DOCK9: variants seen among roughly 807,000 people sequenced by gnomAD.
DOCK9 encodes dedicator of cytokinesis 9, also known as dedicator of cytokinesis protein 9.
Under a neutral mutation model 263.3 loss-of-function variants are expected in DOCK9, and 89 were observed. That is an observed-to-expected ratio of 0.34 (90% CI 0.28 to 0.40). DOCK9 has a LOEUF of 0.40. Ranked by LOEUF, DOCK9 falls within the 10% of genes least tolerant of loss-of-function variation. The pLI, the probability that DOCK9 is intolerant of heterozygous loss-of-function variation, is 1.00. For missense variants in DOCK9, 2,140 were observed against 2,603.4 expected, an observed-to-expected ratio of 0.82 and a Z score of 3.87; for synonymous variants, 976 against 973.1, an observed-to-expected ratio of 1.00 and a Z score of -0.06.
At chr13:99,057,686 T>A (rs2040988909) in intron 1 of DOCK9, among the ~76,000 whole-genome samples, 1 of 152,194 alleles carries the variant, frequency 6.6e-6, no homozygotes, top group Non-Finnish European at 1.5e-5. Flanking sequence ...TGGAACAGCT[T>A]CAAAGCTGTT....
chr13:99,078,343 T>C (rs1333295226), intron 1 of DOCK9, among the ~76,000 whole-genome samples: 1 of 152,148 alleles, frequency 6.6e-6, no homozygotes, highest in African/African-American at 2.4e-5. Context: ...GAATGCCCCT[T>C]TGTGGTGACT....
chr13:99,000,985 AAG>A (rs1882181361), intron 1 of DOCK9, among the ~76,000 whole-genome samples: 1 of 152,182 alleles, frequency 6.6e-6, no homozygotes, highest in African/African-American at 2.4e-5. Context: ...GCAACAGCAG[AAG>A]AGAGGACAAA....
chr13:98,913,309 T>C (rs905576292), intron 9 of DOCK9, among the ~76,000 whole-genome samples: 1 of 151,992 alleles, frequency 6.6e-6, no homozygotes, highest in African/African-American at 2.4e-5. Context: ...AGTAACAGAG[T>C]AAGAGTGCAA....
At chr13:99,004,529 T>C (rs531382521) in intron 1 of DOCK9, among the ~76,000 whole-genome samples, 13 of 152,342 alleles carry the variant, frequency 8.5e-5, no homozygotes, top group African/African-American at 2.9e-4. Context: ...CCACAGACTC[T>C]GCAAAGGCAG....
intron 15 of DOCK9, among the ~76,000 whole-genome samples, chr13:98,894,294 G>A (rs1436375630): frequency 6.6e-6 from 1 of 152,106 alleles, no homozygotes; most frequent in East Asian, 1.9e-4. Context: ...TTTTTTAAAA[G>A]TTCATATAAA....
At chr13:98,818,853 G>GCA (rs1299033907) in intron 45 of DOCK9, among the ~76,000 whole-genome samples, 42 of 152,146 alleles carry the variant, frequency 2.8e-4, no homozygotes, top group Admixed American at 2.4e-3. Context: ...GTGTGTGTGC[G>GCA]CACACATGTG....
intron 1 of DOCK9, among the ~76,000 whole-genome samples, chr13:99,076,054 T>C (rs2041898157): frequency 6.6e-6 from 1 of 152,078 alleles, no homozygotes; most frequent in Non-Finnish European, 1.5e-5. Context: ...GATCAGACAG[T>C]AAGTCTCTTG....
chr13:98,887,143 A>ATATAT (rs1470080750), intron 18 of DOCK9, among the ~76,000 whole-genome samples: 7 of 95,284 alleles, frequency 7.3e-5, no homozygotes, highest in African/African-American at 2.6e-4. Context: ...ATATATATAT[A>ATATAT]TTTTTTTTTT....
intron 2 of DOCK9, among the ~76,000 whole-genome samples, chr13:98,951,016 G>A (rs953482361): frequency 1.3e-5 from 2 of 152,278 alleles, no homozygotes; most frequent in Non-Finnish European, 2.9e-5. Flanking sequence ...TGTCTTAAGC[G>A]ACAAGTCAAC....
intron 3 of DOCK9, among the ~76,000 whole-genome samples, 182 bp from the exon 4 acceptor site, chr13:98,926,101 A>G (rs1176566233): frequency 6.6e-6 from 1 of 152,210 alleles, no homozygotes; most frequent in Non-Finnish European, 1.5e-5. Context: ...ACTTTGAACC[A>G]CTGAAACATT....
At chr13:98,870,471 C>G (rs369342725) in intron 27 of DOCK9, among the ~76,000 whole-genome samples, 1 of 152,136 alleles carries the variant, frequency 6.6e-6, no homozygotes, top group Non-Finnish European at 1.5e-5. Context: ...CTCTAACCCC[C>G]GGCATGACTG....
At chr13:98,999,316 A>ACACACACACACACT in intron 1 of DOCK9, among the ~76,000 whole-genome samples, 68 of 138,366 alleles carry the variant, frequency 4.9e-4, no homozygotes, top group South Asian at 4.3e-3. Flanking sequence ...ACACACACAC[A>ACACACACACACACT]CTCTCTCTCT....
At chr13:98,867,744 A>G (rs1018240750) in intron 29 of DOCK9, among the ~76,000 whole-genome samples, 184 bp downstream of exon 29, 6 of 152,310 alleles carry the variant, frequency 3.9e-5, no homozygotes, top group Admixed American at 1.3e-4. Flanking sequence ...AATGTCTTCA[A>G]TTGATTTTTA....
At chr13:99,043,074 T>G (rs1888622849) in intron 1 of DOCK9, among the ~76,000 whole-genome samples, 1 of 152,118 alleles carries the variant, frequency 6.6e-6, no homozygotes, top group Admixed American at 6.5e-5. Flanking sequence ...CAGTCCCTTC[T>G]GAGTGGTGGC....
At position 99,058,957 on chromosome 13, in the gene DOCK9, A is replaced by G. The variant is rs374855745; in HGVS notation, c.129+27266T>C. ...CCCCAGGAAGCCTCCTGGCTTTGGA[A>G]ACACACTTCCCTTGGCTTCCCTGAC... On this transcript the variant is annotated intron_variant, in intron 1 of 32. Coordinates refer to the DOCK9 transcript ENST00000427887. Among the ~76,000 whole-genome samples, 12 of 152,236 alleles carry G rather than the reference A, an allele frequency of 7.9e-5. 1 individual carries two copies. Among genetic ancestry groups the G allele is most frequent in the Admixed American group, 2.0e-4 (3 of 15,292 alleles).
chr13:98,903,948 C>T (rs2048713267), intron 10 of DOCK9, among the ~76,000 whole-genome samples: 1 of 152,042 alleles, frequency 6.6e-6, no homozygotes, highest in African/African-American at 2.4e-5. Flanking sequence ...CAGAGTAGAA[C>T]AGAGGTTACT....
At chr13:98,879,839 A>C in intron 27 of DOCK9, 59 bp downstream of exon 27, 1 of 1,417,354 alleles carries the variant, frequency 7.1e-7, no homozygotes, top group South Asian at 1.3e-5. Context: ...TTCACTACAA[A>C]GCAATGAAAG....
rs190185799 is a variant in DOCK9, at chr13:98,830,404, T to A, written c.4636-648A>T. On this transcript the variant is annotated intron_variant, in intron 41 of 52. Coordinates refer to ENST00000682017, the MANE Select transcript of DOCK9 (RefSeq NM_001366683.2). ...CTCTCTGACCTAGCTTTGACAATGG[T>A]CTCCCTAGCTGAGGTCTAGACTACC... Among the ~76,000 whole-genome samples the A allele has an allele frequency of 1.6e-4, 24 of 152,260 alleles. No homozygotes were observed. In the East Asian group the frequency reaches 4.1e-3, roughly 26 times the overall value.
chr13:98,996,902 A>C (rs543163555), intron 1 of DOCK9, among the ~76,000 whole-genome samples: 21 of 152,332 alleles, frequency 1.4e-4, no homozygotes, highest in African/African-American at 4.8e-4. Flanking sequence ...GTTTTACCCC[A>C]AAAATGCGGA....
Sources: allele counts gnomAD v4.1 joint callset (sites outside exome capture counted in the v4.1 genomes callset), GRCh38; gene constraint gnomAD v4.1.1; transcripts MANE v1.5; gene names NCBI Gene and HGNC (gene_info 2026-07-23, HGNC 2026-07-21).